SC5D: variants seen among roughly 807,000 people sequenced by gnomAD.
SC5D encodes the protein sterol-C5-desaturase, also known as lathosterol oxidase.
Under a neutral mutation model 23.9 loss-of-function variants are expected in SC5D, and 21 were observed. The ratio of observed to expected loss-of-function variants is 0.88; its 90% CI spans 0.62 to 1.26. SC5D has a LOEUF of 1.26. Among genes scored for constraint, SC5D ranks in the 50% most tolerant of loss-of-function variants. SC5D has a pLI of 0.00. For missense variants in SC5D, 309 were observed against 364.8 expected, an observed-to-expected ratio of 0.85 and a Z score of 1.25; for synonymous variants, 113 against 125.9, an observed-to-expected ratio of 0.90 and a Z score of 0.68.
At chr11:121,300,245 G>C in intron 1 of SC5D, among the ~76,000 whole-genome samples, 1 of 152,242 alleles carries the variant, frequency 6.6e-6, no homozygotes, top group East Asian at 1.9e-4. Flanking sequence ...GAGAAAAGTA[G>C]TTGAATCTCA....
In SC5D at chr11:121,309,313, A is replaced by G. The variant is rs1484011958; in HGVS notation, c.*1801A>G. Among the ~76,000 whole-genome samples the G allele has an allele frequency of 6.6e-6, 1 of 152,216 alleles. No homozygotes were observed. The highest frequency in any genetic ancestry group is 1.5e-5 in the Non-Finnish European group (1 of 68,038). ...TCTGTGTGGAAAATGTTTCTGGGTCAGGCCTGGAAGTGGTGCATATCTCTT... is the reference window on the plus strand; with the variant it reads ...TCTGTGTGGAAAATGTTTCTGGGTCGGGCCTGGAAGTGGTGCATATCTCTT... On this transcript the variant is annotated 3_prime_UTR_variant, in exon 5 of 5. Transcript: ENST00000264027.
chr11:121,307,523 A>T lies in SC5D; in HGVS notation c.*11A>T, dbSNP rs370547683. 7.1e-6 allele frequency: 11 copies of T among 1,539,596 alleles called. No homozygotes were observed. The highest frequency in any genetic ancestry group is 1.8e-5 in the Admixed American group (1 of 54,476). On this transcript the variant is annotated 3_prime_UTR_variant, in exon 5 of 5. Coordinates refer to ENST00000264027, the MANE Select transcript of SC5D (RefSeq NM_006918.5). ...ACAAAGACTGAATAGATTATTGCCC[A>T]GTTATTCTTAAGTAAGGACAAAGAA...
intron 1 of SC5D, among the ~76,000 whole-genome samples, chr11:121,296,904 T>C (rs1016394987): frequency 6.6e-6 from 1 of 152,190 alleles, no homozygotes; most frequent in Non-Finnish European, 1.5e-5. Flanking sequence ...AATTTGACTT[T>C]TATAAAGATA....
chr11:121,301,563 A>G (rs932543465), intron 1 of SC5D, among the ~76,000 whole-genome samples: 22 of 152,196 alleles, frequency 1.4e-4, no homozygotes, highest in African/African-American at 5.3e-4. Context: ...AGTTTAAGAA[A>G]GAGTGGCCCC....
intron 1 of SC5D, among the ~76,000 whole-genome samples, chr11:121,296,321 A>T (rs545302281): frequency 6.6e-6 from 1 of 152,310 alleles, no homozygotes; most frequent in South Asian, 2.1e-4. Context: ...GCGTAGTCTA[A>T]CAAATCTCCT....
chr11:121,299,248 A>G (rs1263022037), intron 1 of SC5D, among the ~76,000 whole-genome samples: 1 of 152,268 alleles, frequency 6.6e-6, no homozygotes, highest in African/African-American at 2.4e-5. Context: ...TTGTTGCTTT[A>G]TCACTTGAGA....
chr11:121,299,048 C>T (rs140317677), intron 1 of SC5D, among the ~76,000 whole-genome samples: 33 of 152,320 alleles, frequency 2.2e-4, no homozygotes, highest in Middle Eastern at 3.4e-3. Flanking sequence ...TACGTGCAGA[C>T]TTGGGCTCAG....
intron 1 of SC5D, 195 bp downstream of exon 1, chr11:121,293,011 G>A (rs1947862430): frequency 6.6e-6 from 1 of 152,288 alleles, no homozygotes; most frequent in South Asian, 2.1e-4. Flanking sequence ...CTAGGCGTTG[G>A]GCGGATGGTA....
In SC5D at chr11:121,306,372, G is replaced by A. The variant is rs747396435; in HGVS notation, c.344-14G>A. 9.6e-6 allele frequency: 13 copies of A among 1,347,284 alleles called. No individual in the cohort carries two copies. The highest frequency in any genetic ancestry group is 2.2e-4 in the Middle Eastern group (1 of 4,544). 83.5% of individuals were successfully genotyped at this position (1,347,284 alleles called of 1,614,324 possible). A position where few individuals can be genotyped will look rare whatever the true frequency, so the allele number is the denominator to read the frequency against. ...CTGAGTTTTGATTCTTCTGTTTCCC[G>A]TTTTCTTTTCTAGGATTGTTTGAAC... is the stretch of plus-strand genomic sequence containing the variant. On this transcript the variant is annotated splice_polypyrimidine_tract_variant and intron_variant, in intron 3 of 4. Coordinates refer to ENST00000264027, the MANE Select transcript of SC5D (RefSeq NM_006918.5).
At position 121,312,309 on chromosome 11, in the gene SC5D, A is replaced by T. The variant is rs1404830694; in HGVS notation, c.*4797A>T. ...ATATTTGCTTTATTAAAATACATTT[A>T]AAATACAGCATTTTTAAATCTCTAA... On this transcript the variant is annotated 3_prime_UTR_variant, in exon 5 of 5. Transcript: ENST00000264027. Among the ~76,000 whole-genome samples, 1 of 152,196 alleles carries T rather than the reference A, an allele frequency of 6.6e-6. No individual in the cohort carries two copies. The highest frequency in any genetic ancestry group is 6.5e-5 in the Admixed American group (1 of 15,288).
At chr11:121,294,719 A>C (rs563399937) in intron 1 of SC5D, among the ~76,000 whole-genome samples, 6 of 152,176 alleles carry the variant, frequency 3.9e-5, no homozygotes, top group African/African-American at 1.4e-4. Flanking sequence ...TCTTGGGTCA[A>C]ATGTCAAAAG....
rs753144761 is a variant in SC5D at position 121,306,719 on chromosome 11, C to T, written c.444+233C>T. 30 of 649,690 alleles carry T rather than the reference C, an allele frequency of 4.6e-5. 1 individual carries two copies. The South Asian group carries it at 4.9e-4, about 11-fold the overall frequency. The allele number at this position is 649,690 out of a possible 1,614,324, so 40.2% of individuals were successfully genotyped here. ...GGTACACATGGACTTACAGAGGGAACAATAGACATTAGAGACTCCAGAAGG... is the reference window on the plus strand; with the variant it reads ...GGTACACATGGACTTACAGAGGGAATAATAGACATTAGAGACTCCAGAAGG... On this transcript the variant is annotated intron_variant, in intron 4 of 4. Coordinates refer to ENST00000264027, the MANE Select transcript of SC5D (RefSeq NM_006918.5).
rs979806578 is a variant in SC5D, at chr11:121,310,419, T to G, written c.*2907T>G. Among the ~76,000 whole-genome samples the G allele has an allele frequency of 2.0e-5, 3 of 149,652 alleles. No homozygotes were observed. The highest frequency in any genetic ancestry group is 4.9e-5 in the African/African-American group (2 of 40,776). ...CTGGGATTAATGACTTAAAAAGAGG[T>G]GTGAGGCAGCTGTTCAGCCCTTCTG... On this transcript the variant is annotated 3_prime_UTR_variant, in exon 5 of 5. Coordinates refer to ENST00000264027, the MANE Select transcript of SC5D (RefSeq NM_006918.5).
At position 121,309,278 on chromosome 11, in the gene SC5D, G is replaced by T; in HGVS notation, c.*1766G>T. 6.6e-6 allele frequency among the ~76,000 whole-genome samples: 1 copy of T among 152,184 alleles called. No homozygotes were observed. Among genetic ancestry groups the T allele is most frequent in the East Asian group, 1.9e-4 (1 of 5,200 alleles). On this transcript the variant is annotated 3_prime_UTR_variant, in exon 5 of 5. Transcript: ENST00000264027. ...TTTGTTGAAAGAGCACATAGGAAAA[G>T]AAGGAAAAGTCTGTGTGGAAAATGT...
chr11:121,303,633 A>G, intron 2 of SC5D, 48 bp downstream of exon 2: 1 of 1,422,354 alleles, frequency 7.0e-7, no homozygotes, highest in Non-Finnish European at 9.8e-7. Context: ...TAAAAATAAC[A>G]ATATGATATA....
intron 1 of SC5D, among the ~76,000 whole-genome samples, chr11:121,297,091 T>C (rs2134262849): frequency 6.6e-6 from 1 of 152,302 alleles, no homozygotes; most frequent in East Asian, 1.9e-4. Flanking sequence ...TTTGATGATA[T>C]CCCCTGCTAG....
chr11:121,306,193 AG>A (rs1947962678), intron 3 of SC5D, 192 bp from the exon 4 acceptor site: 1 of 578,720 alleles, frequency 1.7e-6, no homozygotes, highest in African/African-American at 1.9e-5. Flanking sequence ...TACTTATGCG[AG>A]GGAAATGAGG....
rs985372216 is a variant in SC5D, at chr11:121,313,186, C to T, written c.*5674C>T. 3.9e-5 allele frequency among the ~76,000 whole-genome samples: 6 copies of T among 152,196 alleles called. No individual in the cohort carries two copies. The highest frequency in any genetic ancestry group is 1.4e-4 in the African/African-American group (6 of 41,448). On this transcript the variant is annotated 3_prime_UTR_variant, in exon 5 of 5. Coordinates refer to ENST00000264027, the MANE Select transcript of SC5D (RefSeq NM_006918.5). ...AGTTTTCTTCCCTGATTTAGAATTT[C>T]ATATAAATTAAATCAGATAGTATAT...
intron 2 of SC5D, chr11:121,304,144 G>A (rs773170043): frequency 4.0e-6 from 2 of 495,642 alleles, no homozygotes; most frequent in Non-Finnish European, 7.2e-6. Context: ...AGGAAAAAAG[G>A]TTTCAGAATT....
Sources: gnomAD v4.1 joint callset for allele counts (sites outside exome capture counted in the v4.1 genomes callset) on GRCh38, gnomAD v4.1.1 for gene constraint, MANE v1.5 for transcripts, NCBI Gene and HGNC (gene_info 2026-07-23, HGNC 2026-07-21) for gene names.